The following FNDC3B variants were observed in gnomAD, a reference collection of about 807,000 sequenced individuals.
FNDC3B encodes fibronectin type III domain containing 3B.
Under a neutral mutation model 151.5 loss-of-function variants are expected in FNDC3B, and 12 were observed. That is an observed-to-expected ratio of 0.08 (90% CI 0.05 to 0.13). The LOEUF is 0.13. FNDC3B is among the 10% of genes least tolerant of loss of function. FNDC3B has a pLI of 1.00. For synonymous variants in FNDC3B, 528 were observed against 549.0 expected, an observed-to-expected ratio of 0.96 and a Z score of 0.54; for missense variants, 1,214 against 1,505.3, an observed-to-expected ratio of 0.81 and a Z score of 3.20.
At chr3:172,216,806 A>AT (rs1459689855) in intron 3 of FNDC3B, among the ~76,000 whole-genome samples, 1 of 152,186 alleles carries the variant, frequency 6.6e-6, no homozygotes, top group Admixed American at 6.5e-5. Flanking sequence ...ACCCTGGGAG[A>AT]TTCAGCTTCA....
intron 15 of FNDC3B, among the ~76,000 whole-genome samples, chr3:172,337,018 A>G (rs1733012924): frequency 6.6e-6 from 1 of 152,176 alleles, no homozygotes; most frequent in Admixed American, 6.5e-5. Context: ...CAAATATATT[A>G]AAGAGCACCT....
intron 1 of FNDC3B, among the ~76,000 whole-genome samples, chr3:172,110,456 G>A (rs945785523): frequency 6.6e-6 from 1 of 152,000 alleles, no homozygotes; most frequent in Non-Finnish European, 1.5e-5. Flanking sequence ...CTCTAAACCT[G>A]TATCATTATT....
intron 3 of FNDC3B, among the ~76,000 whole-genome samples, chr3:172,176,309 A>G (rs139622235): frequency 2.6e-4 from 40 of 152,350 alleles, no homozygotes; most frequent in African/African-American, 9.4e-4. Flanking sequence ...AGAGACGAGT[A>G]TAGTAATAAC....
chr3:172,242,051 C>A lies in FNDC3B; in HGVS notation c.265-5482C>A, dbSNP rs564431155. 3.5e-4 allele frequency among the ~76,000 whole-genome samples: 53 copies of A among 152,342 alleles called. No individual in the cohort carries two copies. The South Asian group carries it at 0.011, about 31-fold the overall frequency. On this transcript the variant is annotated intron_variant, in intron 4 of 25. Coordinates refer to ENST00000415807, the MANE Select transcript of FNDC3B (RefSeq NM_022763.4). ...AGGGGCTACAGGCCCCATACAAATCCAAAATCCAGTGGGACAGTCAAATCT... is the reference window on the plus strand; with the variant it reads ...AGGGGCTACAGGCCCCATACAAATCAAAAATCCAGTGGGACAGTCAAATCT...
intron 1 of FNDC3B, among the ~76,000 whole-genome samples, chr3:172,083,218 G>A (rs1718370347): frequency 1.3e-5 from 2 of 152,178 alleles, no homozygotes; most frequent in African/African-American, 2.4e-5. Flanking sequence ...AAAAAGGACT[G>A]TATTACTCCT....
Position 172,325,730 on chromosome 3 carries a change from C to T in FNDC3B, c.1255-3222C>T, listed in dbSNP as rs907085911. Among the ~76,000 whole-genome samples the T allele has an allele frequency of 3.9e-5, 6 of 152,228 alleles. No homozygotes were observed. The South Asian group carries it at 1.2e-3, about 32-fold the overall frequency. On this transcript the variant is annotated intron_variant, in intron 11 of 25. Coordinates refer to ENST00000415807, the MANE Select transcript of FNDC3B (RefSeq NM_022763.4). ...TCGGATCACTGGAGCCAGTGGCCTTCTCCAGTTCACTTGTTAACTTCTCAG... is the reference window on the plus strand; with the variant it reads ...TCGGATCACTGGAGCCAGTGGCCTTTTCCAGTTCACTTGTTAACTTCTCAG...
chr3:172,113,326 T>C (rs4308305), intron 2 of FNDC3B, among the ~76,000 whole-genome samples: 8,321 of 152,268 alleles, frequency 0.055, 342 homozygotes, highest in East Asian at 0.2. Context: ...TTGGGAGCAA[T>C]TGCTTGGAAA....
At chr3:172,113,211 T>G (rs1184368499) in intron 2 of FNDC3B, among the ~76,000 whole-genome samples, 1 of 152,248 alleles carries the variant, frequency 6.6e-6, no homozygotes, top group Non-Finnish European at 1.5e-5. Flanking sequence ...TAATTAAAAA[T>G]TTTTATTGCA....
chr3:172,126,251 G>A (rs1008892130), intron 2 of FNDC3B, among the ~76,000 whole-genome samples: 1 of 152,144 alleles, frequency 6.6e-6, no homozygotes, highest in Admixed American at 6.5e-5. Context: ...TATGTGCTGA[G>A]GGTGTGCGGG....
intron 23 of FNDC3B, among the ~76,000 whole-genome samples, chr3:172,375,708 G>C (rs1414763468): frequency 6.6e-6 from 1 of 152,114 alleles, no homozygotes; most frequent in African/African-American, 2.4e-5. Context: ...TATTATTGCC[G>C]GAGTAGACAG....
rs113866678 is a variant in FNDC3B, at chr3:172,331,489, C to G, written c.1554+774C>G. On this transcript the variant is annotated intron_variant, in intron 13 of 25. Transcript: ENST00000415807. ...TCTTCTGCCTCAGTTTCCCAAGTAG[C>G]TGGGACTACAGGCGCCCGCCACCAC... Among the ~76,000 whole-genome samples, 1,186 of 152,262 alleles carry G rather than the reference C, an allele frequency of 7.8e-3. 11 individuals carry two copies. The highest frequency in any genetic ancestry group is 0.027 in the African/African-American group (1,109 of 41,526).
chr3:172,066,920 CTGT>C (rs1440236522), intron 1 of FNDC3B, among the ~76,000 whole-genome samples: 4 of 152,144 alleles, frequency 2.6e-5, no homozygotes, highest in African/African-American at 9.7e-5. Flanking sequence ...ATTTTTGTTG[CTGT>C]TGTTCAGTAG....
chr3:172,136,941 C>T (rs572803599), intron 3 of FNDC3B, among the ~76,000 whole-genome samples: 9 of 152,230 alleles, frequency 5.9e-5, no homozygotes, highest in African/African-American at 1.7e-4. Context: ...AGGATGGTCT[C>T]GATCTCCTGA....
intron 3 of FNDC3B, among the ~76,000 whole-genome samples, chr3:172,145,587 C>T (rs1256787830): frequency 6.6e-6 from 1 of 152,164 alleles, no homozygotes; most frequent in Non-Finnish European, 1.5e-5. Context: ...TTGCCTGCTG[C>T]ACTGTGGTAC....
At chr3:172,104,401 GTT>G in intron 1 of FNDC3B, among the ~76,000 whole-genome samples, 1 of 135,418 alleles carries the variant, frequency 7.4e-6, no homozygotes, top group African/African-American at 2.7e-5. Context: ...GTCCACTATA[GTT>G]TTTTTTTTTT....
At chr3:172,393,802 C>A (rs958311840) in intron 25 of FNDC3B, among the ~76,000 whole-genome samples, 4 of 151,884 alleles carry the variant, frequency 2.6e-5, no homozygotes, top group African/African-American at 9.7e-5. Context: ...AATGGAAACA[C>A]AACTTATTAA....
At chr3:172,232,960 G>A (rs560214536) in intron 4 of FNDC3B, among the ~76,000 whole-genome samples, 38 of 152,316 alleles carry the variant, frequency 2.5e-4, no homozygotes, top group African/African-American at 5.5e-4. Context: ...CAGTTCCAAT[G>A]GAAGTTTGGC....
chr3:172,156,283 A>G (rs1218151531), intron 3 of FNDC3B, among the ~76,000 whole-genome samples: 1 of 152,256 alleles, frequency 6.6e-6, no homozygotes, highest in Non-Finnish European at 1.5e-5. Flanking sequence ...CAATAGAACT[A>G]AGGCTGTCAT....
chr3:172,345,413 C>T (rs1311022650), intron 19 of FNDC3B, among the ~76,000 whole-genome samples: 1 of 152,092 alleles, frequency 6.6e-6, no homozygotes, highest in Non-Finnish European at 1.5e-5. Context: ...CTTTTCTCAG[C>T]CCTTTCACTG....
Sources: allele counts gnomAD v4.1 joint callset (sites outside exome capture counted in the v4.1 genomes callset), GRCh38; gene constraint gnomAD v4.1.1; transcripts MANE v1.5; gene names NCBI Gene and HGNC (gene_info 2026-07-23, HGNC 2026-07-21).